NECAB2: variants seen among roughly 807,000 people sequenced by gnomAD.
NECAB2 encodes the protein N-terminal EF-hand calcium binding protein 2.
A neutral mutation model predicts 51.9 loss-of-function variants in NECAB2; 68 were observed. The observed-to-expected ratio is 1.31, with a 90% CI of 1.08 to 1.60. The LOEUF (loss-of-function observed/expected upper bound fraction) is 1.60, where lower values mean the gene tolerates loss of function less well. NECAB2 is among the 40% of genes most tolerant of loss of function. The pLI is 0.00. For synonymous variants in NECAB2, 329 were observed against 203.5 expected, an observed-to-expected ratio of 1.62 and a Z score of -5.25; for missense variants, 854 against 490.3, an observed-to-expected ratio of 1.74 and a Z score of -7.00.
intron 10 of NECAB2, among the ~76,000 whole-genome samples, chr16:83,999,632 C>G (rs556924441): frequency 7.2e-5 from 11 of 152,116 alleles, no homozygotes; most frequent in Non-Finnish European, 2.9e-5. Flanking sequence ...CATTGTAGTG[C>G]ACTTGCAGAG....
At chr16:83,972,705 A>C (rs1369414048) in intron 2 of NECAB2, among the ~76,000 whole-genome samples, 1 of 152,178 alleles carries the variant, frequency 6.6e-6, no homozygotes, top group Non-Finnish European at 1.5e-5. Context: ...GCTCTCCTGA[A>C]GACCGGGGCC....
intron 2 of NECAB2, among the ~76,000 whole-genome samples, chr16:83,973,158 A>T (rs889631): frequency 6.6e-6 from 1 of 152,234 alleles, no homozygotes; most frequent in East Asian, 1.9e-4. Context: ...TGGCAGGGGA[A>T]GAGCACGCAA....
At chr16:83,977,623 C>G (rs945293971) in intron 2 of NECAB2, among the ~76,000 whole-genome samples, 1 of 152,106 alleles carries the variant, frequency 6.6e-6, no homozygotes, top group African/African-American at 2.4e-5. Context: ...GGAGCTCCAC[C>G]TCAGAAGCAC....
chr16:83,966,705 G>C (rs1003138693), upstream of NECAB2, among the ~76,000 whole-genome samples: 1 of 152,188 alleles, frequency 6.6e-6, no homozygotes, highest in Non-Finnish European at 1.5e-5. Flanking sequence ...TTTGCACAGA[G>C]AGTCCCCAGC....
At chr16:83,982,930 A>G (rs2084507505) in intron 5 of NECAB2, among the ~76,000 whole-genome samples, 1 of 150,752 alleles carries the variant, frequency 6.6e-6, no homozygotes, top group African/African-American at 2.4e-5. Context: ...GTGCAGTGAT[A>G]CAATGTCGCC....
intron 6 of NECAB2, 143 bp from the exon 7 acceptor site, chr16:83,994,159 T>C: frequency 1.4e-6 from 1 of 740,194 alleles, no homozygotes; most frequent in Non-Finnish European, 2.3e-6. Context: ...TTTCCTCCTC[T>C]GTCAAAACAA....
rs56106144 is a variant in NECAB2 at position 84,002,432 on chromosome 16, T to G, written c.*86T>G. ...GTTTTTTTCTAGACAGACACTTTGG[T>G]GCAGAAGCTTCTTTTCAATCCATCC... On this transcript the variant is annotated 3_prime_UTR_variant, in exon 13 of 13. Coordinates refer to ENST00000305202, the MANE Select transcript of NECAB2 (RefSeq NM_019065.3). The G allele has an allele frequency of 0.028, 42,655 of 1,501,078 alleles. 702 individuals are homozygous for G. The highest frequency in any genetic ancestry group is 0.034 in the Non-Finnish European group (37,153 of 1,081,480). The allele number at this position is 1,501,078 out of a possible 1,614,324, so 93.0% of individuals were successfully genotyped here. A position where few individuals can be genotyped will look rare whatever the true frequency, so the allele number is the denominator to read the frequency against.
At chr16:83,980,713 A>C in intron 3 of NECAB2, 126 bp from the exon 4 acceptor site, 1 of 1,303,808 alleles carries the variant, frequency 7.7e-7, no homozygotes, top group Admixed American at 2.0e-5. Context: ...TGTAAGGCGG[A>C]GCTTGTGGGG....
At chr16:83,975,959 A>G (rs1567664951) in intron 2 of NECAB2, among the ~76,000 whole-genome samples, 1 of 152,126 alleles carries the variant, frequency 6.6e-6, no homozygotes, top group Non-Finnish European at 1.5e-5. Context: ...CGTTCAGGAT[A>G]AATGTCAGCC....
intron 3 of NECAB2, among the ~76,000 whole-genome samples, chr16:83,979,563 A>C (rs1567666894): frequency 6.6e-6 from 1 of 152,194 alleles, no homozygotes; most frequent in East Asian, 1.9e-4. Flanking sequence ...GTCTGGGGCC[A>C]GATGGAGATT....
chr16:83,980,402 C>G (rs969496255), intron 3 of NECAB2, among the ~76,000 whole-genome samples: 1 of 152,120 alleles, frequency 6.6e-6, no homozygotes, highest in Non-Finnish European at 1.5e-5. Context: ...GGGGCTGCGA[C>G]CAGAACAGGA....
intron 5 of NECAB2, among the ~76,000 whole-genome samples, chr16:83,982,405 C>T (rs371030665): frequency 7.9e-5 from 12 of 152,234 alleles, no homozygotes; most frequent in Non-Finnish European, 1.3e-4. Context: ...TGTAGAATAT[C>T]GTTTGATATC....
intron 2 of NECAB2, among the ~76,000 whole-genome samples, chr16:83,972,797 C>A (rs1223786049): frequency 6.6e-6 from 1 of 152,242 alleles, no homozygotes; most frequent in Non-Finnish European, 1.5e-5. Flanking sequence ...CTCCACTTCT[C>A]CCGACTCCTT....
intron 5 of NECAB2, among the ~76,000 whole-genome samples, chr16:83,982,362 A>C (rs997979459): frequency 6.6e-6 from 1 of 152,202 alleles, no homozygotes; most frequent in African/African-American, 2.4e-5. Flanking sequence ...TTTTAATACC[A>C]TGTAAGACCT....
chr16:83,998,775 A>G (rs1028559224), intron 10 of NECAB2, among the ~76,000 whole-genome samples: 2 of 148,090 alleles, frequency 1.4e-5, no homozygotes, highest in Non-Finnish European at 2.9e-5. Context: ...AGCTGAAGGG[A>G]AATGCCCAAG....
chr16:83,992,267 G>T (rs1346035496), intron 6 of NECAB2, among the ~76,000 whole-genome samples: 1 of 151,962 alleles, frequency 6.6e-6, no homozygotes, highest in Admixed American at 6.6e-5. Flanking sequence ...ATGCATCTGG[G>T]GTCCCATCCT....
Position 83,978,541 on chromosome 16 carries a change from T to C in NECAB2, c.324T>C (p.Ser108=). 1 of 1,613,200 alleles carries C rather than the reference T, an allele frequency of 6.2e-7. No individual in the cohort carries two copies. The highest frequency in any genetic ancestry group is 8.5e-7 in the Non-Finnish European group (1 of 1,179,440). The change falls in exon 3 of 13, where the codon TCT becomes TCC. Residue 108 remains serine (S), a synonymous_variant. Coordinates refer to ENST00000305202, the MANE Select transcript of NECAB2 (RefSeq NM_019065.3). ...AGGATCTCTTTCACACGATTGACTC[T>C]GACAACACCAAGTGAGCTTCAGTCC... ...ELEDLFHTID[S]DNTNHVDTKE...
intron 10 of NECAB2, among the ~76,000 whole-genome samples, chr16:83,999,938 G>T (rs1454033819): frequency 1.3e-5 from 2 of 151,074 alleles, no homozygotes; most frequent in Non-Finnish European, 2.9e-5. Context: ...AGGAGTGAGT[G>T]TGTAGTAGTG....
intron 5 of NECAB2, among the ~76,000 whole-genome samples, chr16:83,988,447 A>C (rs2084581588): frequency 6.6e-6 from 1 of 152,186 alleles, no homozygotes; most frequent in East Asian, 1.9e-4. Flanking sequence ...AATAAAAATA[A>C]TTTTTAAGAT....
Sources: gnomAD v4.1 joint callset for allele counts (sites outside exome capture counted in the v4.1 genomes callset) on GRCh38, gnomAD v4.1.1 for gene constraint, MANE v1.5 for transcripts, NCBI Gene and HGNC (gene_info 2026-07-23, HGNC 2026-07-21) for gene names.